KCNC2: variants seen among roughly 807,000 people sequenced by gnomAD.
KCNC2 encodes the protein voltage-gated potassium channel KCNC2.
In KCNC2, 21 loss-of-function variants were observed where a neutral mutation model predicts 44.5. That is an observed-to-expected ratio of 0.47 (90% CI 0.33 to 0.68). KCNC2 has a LOEUF of 0.68. KCNC2 is among the 30% of genes least tolerant of loss of function. The pLI, the probability that KCNC2 is intolerant of heterozygous loss-of-function variation, is 0.01. For missense variants in KCNC2, 589 were observed against 826.2 expected (o/e 0.71, Z 3.52); for synonymous variants, 391 against 339.1 (o/e 1.15, Z -1.68).
chr12:75,165,636 A>G (rs1196882543), intron 2 of KCNC2, among the ~76,000 whole-genome samples: 2 of 151,508 alleles, frequency 1.3e-5, no homozygotes, highest in African/African-American at 2.4e-5. Context: ...ATGATTCAAG[A>G]TAATGTTAAG....
chr12:75,067,094 C>G (rs1466627752), intron 2 of KCNC2, among the ~76,000 whole-genome samples: 1 of 152,010 alleles, frequency 6.6e-6, no homozygotes, highest in East Asian at 1.9e-4. Context: ...TCCAGCTACT[C>G]AGGAGGCAGA....
rs1443954522 is a variant in KCNC2 at position 75,041,760 on chromosome 12, A to T, written c.*1345T>A. ...TGAAATTGCTGCTTAAACCCTGCTTATCAAAAAGATTCACAGTGCCGATTA... is the reference window on the plus strand; with the variant it reads ...TGAAATTGCTGCTTAAACCCTGCTTTTCAAAAAGATTCACAGTGCCGATTA... On this transcript the variant is annotated 3_prime_UTR_variant, in exon 5 of 5. Coordinates refer to ENST00000549446, the MANE Select transcript of KCNC2 (RefSeq NM_139137.4). 2.0e-6 allele frequency: 2 copies of T among 991,560 alleles called. No individual in the cohort carries two copies. Among genetic ancestry groups the T allele is most frequent in the African/African-American group, 3.5e-5 (2 of 57,264 alleles). The allele number at this position is 991,560 out of a possible 1,614,324, so 61.4% of individuals were successfully genotyped here.
intron 2 of KCNC2, among the ~76,000 whole-genome samples, chr12:75,178,386 G>A (rs1892337069): frequency 6.6e-6 from 1 of 151,988 alleles, no homozygotes; most frequent in African/African-American, 2.4e-5. Context: ...CACACAGATG[G>A]CAATATGATT....
chr12:75,098,756 TTAAA>T (rs34518617), intron 2 of KCNC2, among the ~76,000 whole-genome samples: 101 of 145,776 alleles, frequency 6.9e-4, no homozygotes, highest in Admixed American at 8.9e-4. Context: ...AGACTCTGTC[TTAAA>T]TAAATAAATA....
chr12:75,060,044 A>G (rs1382601976), intron 2 of KCNC2, among the ~76,000 whole-genome samples: 2 of 152,180 alleles, frequency 1.3e-5, no homozygotes, highest in Admixed American at 6.6e-5. Context: ...CAATAAAGGC[A>G]ATCAAAATAC....
intron 2 of KCNC2, among the ~76,000 whole-genome samples, chr12:75,104,824 C>A (rs1332190386): frequency 6.6e-6 from 1 of 152,028 alleles, no homozygotes; most frequent in Admixed American, 6.6e-5. Flanking sequence ...GGATTCAAAC[C>A]CAGGCAGTAT....
intron 2 of KCNC2, among the ~76,000 whole-genome samples, chr12:75,064,723 AT>A (rs1365663945): frequency 6.6e-6 from 1 of 152,096 alleles, no homozygotes; most frequent in Non-Finnish European, 1.5e-5. Flanking sequence ...AGTAGTCATT[AT>A]GCTAAAAAAG....
At chr12:75,151,094 G>C (rs957489353) in intron 2 of KCNC2, among the ~76,000 whole-genome samples, 1 of 151,826 alleles carries the variant, frequency 6.6e-6, no homozygotes, top group Admixed American at 6.6e-5. Flanking sequence ...TTTGATAACT[G>C]GACGGGCTTG....
chr12:75,201,645 T>C (rs2031286490), intron 2 of KCNC2, among the ~76,000 whole-genome samples: 1 of 151,870 alleles, frequency 6.6e-6, no homozygotes, highest in African/African-American at 2.4e-5. Flanking sequence ...TCCTGCTCTG[T>C]TCTCCTCCCA....
chr12:75,208,385 A>G (rs1593105411), intron 1 of KCNC2, among the ~76,000 whole-genome samples: 1 of 133,350 alleles, frequency 7.5e-6, no homozygotes, highest in African/African-American at 2.9e-5. Flanking sequence ...TGCCTCCCCA[A>G]ACACACTCTC....
At chr12:75,108,338 AATG>A (rs1442955921) in intron 2 of KCNC2, among the ~76,000 whole-genome samples, 1 of 152,194 alleles carries the variant, frequency 6.6e-6, no homozygotes. Context: ...TTTCTAATTT[AATG>A]ATAACATGCC....
chr12:75,086,234 G>A (rs915843742), intron 2 of KCNC2, among the ~76,000 whole-genome samples: 5 of 151,966 alleles, frequency 3.3e-5, no homozygotes, highest in Admixed American at 2.0e-4. Context: ...AAGAATCAGG[G>A]AGGGGTCAAT....
At chr12:75,077,592 C>T (rs1037287033) in intron 2 of KCNC2, among the ~76,000 whole-genome samples, 3 of 152,158 alleles carry the variant, frequency 2.0e-5, no homozygotes, top group Non-Finnish European at 4.4e-5. Flanking sequence ...ATTTTTCTCT[C>T]TTCTAAAGGA....
intron 2 of KCNC2, among the ~76,000 whole-genome samples, chr12:75,064,316 C>T (rs972009461): frequency 6.6e-6 from 1 of 151,958 alleles, no homozygotes; most frequent in African/African-American, 2.4e-5. Flanking sequence ...AAAATCTCCC[C>T]ACATATTGGA....
At chr12:75,108,000 TA>T (rs1886927541) in intron 2 of KCNC2, among the ~76,000 whole-genome samples, 1 of 152,140 alleles carries the variant, frequency 6.6e-6, no homozygotes, top group Non-Finnish European at 1.5e-5. Context: ...TGTTTAAAAA[TA>T]AAAAGTCACA....
intron 2 of KCNC2, among the ~76,000 whole-genome samples, chr12:75,189,431 G>A (rs964991662): frequency 2.6e-5 from 4 of 152,144 alleles, no homozygotes; most frequent in Admixed American, 1.3e-4. Context: ...CCTTGGAGAT[G>A]CATTTGTAAG....
intron 2 of KCNC2, among the ~76,000 whole-genome samples, chr12:75,156,561 T>G (rs193200441): frequency 1.3e-5 from 2 of 152,002 alleles, no homozygotes; most frequent in Non-Finnish European, 2.9e-5. Context: ...AAATCTTGAT[T>G]TTTTTTCTAG....
At chr12:75,043,740 A>G in intron 4 of KCNC2, 1 of 1,501,924 alleles carries the variant, frequency 6.7e-7, no homozygotes, top group Non-Finnish European at 8.9e-7. Flanking sequence ...TATAGGGTTA[A>G]AAGATGATTC....
intron 2 of KCNC2, among the ~76,000 whole-genome samples, chr12:75,176,826 T>C (rs1166812205): frequency 6.6e-6 from 1 of 151,884 alleles, no homozygotes; most frequent in Non-Finnish European, 1.5e-5. Flanking sequence ...TCCTGGGAAT[T>C]TGACCAACAA....
Sources: allele counts gnomAD v4.1 joint callset (sites outside exome capture counted in the v4.1 genomes callset), GRCh38; gene constraint gnomAD v4.1.1; transcripts MANE v1.5; gene names NCBI Gene and HGNC (gene_info 2026-07-23, HGNC 2026-07-21).